Variants in EYS observed in about 807,000 individuals in gnomAD.
EYS encodes EGF-like photoreceptor maintenance factor, also known as protein eyes shut homolog.
Under a neutral mutation model 282.1 loss-of-function variants are expected in EYS, and 250 were observed. The ratio of observed to expected loss-of-function variants is 0.89; its 90% confidence interval spans 0.80 to 0.98. The LOEUF is 0.98. Among genes scored for constraint, EYS ranks in the 50% least tolerant of loss-of-function variants. EYS has a pLI of 0.00. For missense variants in EYS, 4,016 were observed against 3,709.0 expected, an observed-to-expected ratio of 1.08 and a Z score of -2.15; for synonymous variants, 1,355 against 1,282.9, an observed-to-expected ratio of 1.06 and a Z score of -1.20.
chr6:64,763,289 C>A (rs188119059), intron 22 of EYS, among the ~76,000 whole-genome samples: 2 of 152,272 alleles, frequency 1.3e-5, no homozygotes, highest in East Asian at 3.9e-4. Context: ...CACTGTTCTA[C>A]AGGCTTAACA....
chr6:65,306,513 G>A (rs1769008087), intron 11 of EYS, among the ~76,000 whole-genome samples: 1 of 152,046 alleles, frequency 6.6e-6, no homozygotes, highest in Non-Finnish European at 1.5e-5. Context: ...CAGATTCCAG[G>A]TCCCTTTTGT....
chr6:64,007,044 C>T (rs1025617407), intron 33 of EYS, among the ~76,000 whole-genome samples: 1 of 151,996 alleles, frequency 6.6e-6, no homozygotes, highest in African/African-American at 2.4e-5. Context: ...TCATCCTCAA[C>T]TTTTTGGAAT....
chr6:65,054,212 G>A (rs1351740618), intron 13 of EYS, among the ~76,000 whole-genome samples: 1 of 151,900 alleles, frequency 6.6e-6, no homozygotes, highest in Non-Finnish European at 1.5e-5. Flanking sequence ...AAAGAACAAA[G>A]TACCTTAACC....
chr6:64,925,311 A>G (rs531975123), intron 15 of EYS, among the ~76,000 whole-genome samples: 1 of 152,304 alleles, frequency 6.6e-6, no homozygotes, highest in Admixed American at 6.5e-5. Context: ...GGTCCCTCCC[A>G]CAATACATGG....
At chr6:64,006,561 G>A (rs900509483) in intron 33 of EYS, among the ~76,000 whole-genome samples, 1 of 152,094 alleles carries the variant, frequency 6.6e-6, no homozygotes, top group African/African-American at 2.4e-5. Flanking sequence ...TCCTTTTCTT[G>A]TTCTAGTTCT....
At chr6:64,131,208 CT>C (rs1352827246) in intron 31 of EYS, among the ~76,000 whole-genome samples, 2 of 152,078 alleles carry the variant, frequency 1.3e-5, no homozygotes, top group African/African-American at 4.8e-5. Context: ...CATTGGAAAG[CT>C]TTTAGAGGGG....
At chr6:64,931,106 G>A (rs1292782175) in intron 15 of EYS, among the ~76,000 whole-genome samples, 1 of 152,072 alleles carries the variant, frequency 6.6e-6, no homozygotes, top group African/African-American at 2.4e-5. Context: ...AGAGAGATGA[G>A]CACATATAGG....
In EYS at chr6:64,956,794, T is replaced by C. The variant is rs116452378; in HGVS notation, c.2260-10880A>G. On this transcript the variant is annotated intron_variant, in intron 14 of 42. Transcript: ENST00000503581. ...GGCAAAAAATTTCAACAGACATTTATCAAAAGAAGACACACAAATGGCAAA... is the reference window on the plus strand; with the variant it reads ...GGCAAAAAATTTCAACAGACATTTACCAAAAGAAGACACACAAATGGCAAA... Among the ~76,000 whole-genome samples, 1,354 of 152,214 alleles carry C rather than the reference T, an allele frequency of 8.9e-3. 24 individuals are homozygous for C. Among genetic ancestry groups the C allele is most frequent in the African/African-American group, 0.031 (1,286 of 41,504 alleles).
intron 7 of EYS, among the ~76,000 whole-genome samples, chr6:65,387,033 A>G (rs563189065): frequency 1.3e-5 from 2 of 152,046 alleles, no homozygotes; most frequent in African/African-American, 4.8e-5. Flanking sequence ...AATAGTGGAA[A>G]AGAGGAGACA....
At chr6:64,294,000 C>A (rs1351000154) in intron 30 of EYS, among the ~76,000 whole-genome samples, 1 of 152,008 alleles carries the variant, frequency 6.6e-6, no homozygotes, top group East Asian at 1.9e-4. Flanking sequence ...AATTTTTGTG[C>A]CTGAGGTATA....
At chr6:65,602,256 G>A (rs1402211811) in intron 2 of EYS, among the ~76,000 whole-genome samples, 1 of 151,804 alleles carries the variant, frequency 6.6e-6, no homozygotes, top group Non-Finnish European at 1.5e-5. Context: ...AATTATAAAT[G>A]TGAAACTATA....
intron 35 of EYS, among the ~76,000 whole-genome samples, chr6:63,942,601 C>T (rs1317088603): frequency 2.6e-5 from 4 of 152,156 alleles, no homozygotes; most frequent in Admixed American, 2.6e-4. Context: ...GTTCTGATTA[C>T]TCAAGACTGC....
intron 22 of EYS, among the ~76,000 whole-genome samples, chr6:64,644,137 A>T (rs1393156106): frequency 6.6e-6 from 1 of 152,168 alleles, no homozygotes; most frequent in African/African-American, 2.4e-5. Context: ...AATTTTCCCC[A>T]CCATATGTAT....
intron 12 of EYS, among the ~76,000 whole-genome samples, chr6:65,145,251 C>T (rs1246338356): frequency 4.0e-5 from 6 of 151,492 alleles, no homozygotes; most frequent in South Asian, 2.1e-4. Context: ...AACACAAAAT[C>T]GAAGAATATT....
intron 14 of EYS, among the ~76,000 whole-genome samples, chr6:64,958,738 A>C (rs1769810071): frequency 9.2e-6 from 1 of 108,280 alleles, no homozygotes; most frequent in Non-Finnish European, 2.1e-5. Context: ...CCGTCTCAAA[A>C]AAAAAAAAAA....
At chr6:64,845,881 T>C (rs980384075) in intron 19 of EYS, among the ~76,000 whole-genome samples, 3 of 152,148 alleles carry the variant, frequency 2.0e-5, no homozygotes, top group African/African-American at 7.2e-5. Context: ...AAATTCAATT[T>C]CTAATACTTT....
At chr6:64,422,243 C>T (rs9362797) in intron 28 of EYS, among the ~76,000 whole-genome samples, 42,109 of 151,804 alleles carry the variant, frequency 0.28, 5,963 homozygotes, top group East Asian at 0.46. Context: ...CTTCATGTTA[C>T]TCGAAACATG....
In EYS at chr6:64,974,239, TAAAGA is replaced by T. The variant is rs1770398420; in HGVS notation, c.2259+23338_2259+23342del. 5.3e-5 allele frequency among the ~76,000 whole-genome samples: 8 copies of T among 151,882 alleles called. No homozygotes were observed. The South Asian group carries it at 1.7e-3, about 32-fold the overall frequency. The stretch of plus-strand genomic sequence containing the variant: ...TAGATTCTGGCCAAGTTAACCAAAA[TAAAGA>T]AAAGTATGAAAGGGGATATAATGTA... On this transcript the variant is annotated intron_variant, in intron 14 of 42. Transcript: ENST00000503581.
chr6:65,560,834 T>G (rs890698545), intron 2 of EYS, among the ~76,000 whole-genome samples: 5 of 152,148 alleles, frequency 3.3e-5, no homozygotes, highest in African/African-American at 9.7e-5. Flanking sequence ...CTTCTTATTC[T>G]ATGGGTACAT....
Sources: gnomAD v4.1 joint callset for allele counts (sites outside exome capture counted in the v4.1 genomes callset) on GRCh38, gnomAD v4.1.1 for gene constraint, MANE v1.5 for transcripts, NCBI Gene and HGNC (gene_info 2026-07-23, HGNC 2026-07-21) for gene names.